NAALADL2: variants seen among roughly 807,000 people sequenced by gnomAD.
NAALADL2 encodes inactive N-acetylated-alpha-linked acidic dipeptidase-like protein 2.
NAALADL2 carries 76 observed loss-of-function variants against 87.2 expected under a neutral mutation model. The observed-to-expected ratio is 0.87, with a 90% CI of 0.72 to 1.05. NAALADL2 has a LOEUF of 1.05. Ranked by LOEUF, NAALADL2 falls within the 50% of genes least tolerant of loss-of-function variation. The pLI is 0.00. For missense variants in NAALADL2, 1,089 were observed against 945.8 expected (o/e 1.15, Z -1.99); for synonymous variants, 354 against 331.0 (o/e 1.07, Z -0.75).
chr3:175,394,942 C>G (rs755641222), intron 5 of NAALADL2, among the ~76,000 whole-genome samples: 2 of 149,814 alleles, frequency 1.3e-5, no homozygotes, highest in Non-Finnish European at 3.0e-5. Flanking sequence ...TTTTTTTTTT[C>G]TTTATTAAGT....
At chr3:174,882,577 T>A (rs939438863) in intron 1 of NAALADL2, among the ~76,000 whole-genome samples, 18 of 136,172 alleles carry the variant, frequency 1.3e-4, no homozygotes, top group African/African-American at 4.5e-4. Context: ...ACATATGTGC[T>A]TATACACATA....
At chr3:175,490,428 C>A (rs1440819350) in intron 9 of NAALADL2, among the ~76,000 whole-genome samples, 1 of 151,922 alleles carries the variant, frequency 6.6e-6, no homozygotes, top group African/African-American at 2.4e-5. Flanking sequence ...ACTCTGTCAC[C>A]CTGGCTGGAG....
chr3:175,245,723 C>T (rs991846426), intron 3 of NAALADL2, among the ~76,000 whole-genome samples: 1 of 152,094 alleles, frequency 6.6e-6, no homozygotes, highest in Non-Finnish European at 1.5e-5. Flanking sequence ...TGGTTCTTTG[C>T]AACAAAGACA....
intron 4 of NAALADL2, among the ~76,000 whole-genome samples, chr3:175,292,365 C>T (rs1227322804): frequency 1.3e-5 from 2 of 152,186 alleles, no homozygotes; most frequent in South Asian, 4.1e-4. Context: ...CAGTATTTAT[C>T]TTTGTGGCAG....
At chr3:175,767,456 GA>G (rs1285138351) in intron 13 of NAALADL2, 1 of 151,918 alleles carries the variant, frequency 6.6e-6, no homozygotes, top group Non-Finnish European at 1.5e-5. Context: ...GTTTCAATGA[GA>G]AAGTTAGAAG....
intron 11 of NAALADL2, among the ~76,000 whole-genome samples, chr3:175,639,024 T>A (rs943370458): frequency 6.6e-6 from 1 of 152,206 alleles, no homozygotes; most frequent in Non-Finnish European, 1.5e-5. Context: ...TGACTTTCAC[T>A]GATCAGTCAT....
rs138179108 is a variant in NAALADL2 at position 175,441,364 on chromosome 3, T to G, written c.1091-5865T>G. ...ATGTGGATAGGTTATATGAAAATACTAGGCCAGTTTATTTAAGGGACTCGA... is the reference window on the plus strand; with the variant it reads ...ATGTGGATAGGTTATATGAAAATACGAGGCCAGTTTATTTAAGGGACTCGA... On this transcript the variant is annotated intron_variant, in intron 5 of 13. Coordinates refer to ENST00000454872, the MANE Select transcript of NAALADL2 (RefSeq NM_207015.3). 8.8e-3 allele frequency among the ~76,000 whole-genome samples: 1,347 copies of G among 152,268 alleles called. 19 individuals are homozygous for G. The highest frequency in any genetic ancestry group is 0.031 in the African/African-American group (1,294 of 41,554).
intron 1 of NAALADL2, among the ~76,000 whole-genome samples, chr3:175,081,908 G>A (rs1294793157): frequency 2.0e-5 from 3 of 152,182 alleles, no homozygotes; most frequent in South Asian, 2.1e-4. Context: ...TAAAGGCAAT[G>A]ATGATTGGGA....
chr3:174,515,491 A>G (rs2108399644), intron 1 of NAALADL2, among the ~76,000 whole-genome samples: 1 of 152,172 alleles, frequency 6.6e-6, no homozygotes, highest in South Asian at 2.1e-4. Context: ...ATGTGTTTTC[A>G]TTATAAACTA....
At chr3:175,713,218 T>C (rs116072709) in intron 11 of NAALADL2, among the ~76,000 whole-genome samples, 2,139 of 152,222 alleles carry the variant, frequency 0.014, 45 homozygotes, top group African/African-American at 0.049. Context: ...TTATGGTGAA[T>C]TGACAAAATG....
At chr3:174,882,597 A>G (rs567600657) in intron 1 of NAALADL2, among the ~76,000 whole-genome samples, 8 of 144,932 alleles carry the variant, frequency 5.5e-5, no homozygotes, top group East Asian at 4.0e-4. Context: ...ATGTGTATAT[A>G]CACATACATA....
intron 2 of NAALADL2, among the ~76,000 whole-genome samples, chr3:174,628,250 G>C (rs1477648049): frequency 6.6e-6 from 1 of 151,942 alleles, no homozygotes; most frequent in Non-Finnish European, 1.5e-5. Context: ...GACCGAGGCG[G>C]GCGAATCATG....
chr3:174,848,002 T>C (rs1560283530), intron 3 of NAALADL2, among the ~76,000 whole-genome samples: 1 of 146,096 alleles, frequency 6.8e-6, no homozygotes, highest in East Asian at 2.0e-4. Context: ...AACTCTTTTC[T>C]CTCTCTTTTT....
At chr3:174,610,897 A>C (rs562572322) in intron 2 of NAALADL2, among the ~76,000 whole-genome samples, 2 of 152,190 alleles carry the variant, frequency 1.3e-5, no homozygotes, top group Non-Finnish European at 2.9e-5. Flanking sequence ...TCACAATAGC[A>C]AAGACTTGGC....
chr3:174,809,988 A>T (rs1019886161), intron 3 of NAALADL2, among the ~76,000 whole-genome samples: 1 of 152,080 alleles, frequency 6.6e-6, no homozygotes, highest in Non-Finnish European at 1.5e-5. Context: ...GCTGTGGAAG[A>T]TGCCTGCTCC....
At chr3:174,511,427 A>G (rs1249408821) in intron 1 of NAALADL2, among the ~76,000 whole-genome samples, 1 of 152,010 alleles carries the variant, frequency 6.6e-6, no homozygotes, top group East Asian at 1.9e-4. Flanking sequence ...CTTTGTATTA[A>G]TATTACTCAT....
intron 1 of NAALADL2, among the ~76,000 whole-genome samples, chr3:174,928,935 T>C (rs189585288): frequency 2.0e-3 from 304 of 152,326 alleles, no homozygotes; most frequent in Non-Finnish European, 3.1e-3. Context: ...CACTTGCCCA[T>C]ATAGAACTTA....
At chr3:175,371,590 C>A (rs180936835) in intron 5 of NAALADL2, among the ~76,000 whole-genome samples, 29 of 152,074 alleles carry the variant, frequency 1.9e-4, no homozygotes, top group Non-Finnish European at 3.8e-4. Context: ...TTTGGGAGGC[C>A]AAGGCGGGTG....
intron 9 of NAALADL2, among the ~76,000 whole-genome samples, chr3:175,534,291 GAGAT>G (rs550710098): frequency 6.6e-6 from 1 of 152,036 alleles, no homozygotes; most frequent in African/African-American, 2.4e-5. Context: ...GATGGACAGG[GAGAT>G]AGATAGATTT....
Sources: allele counts gnomAD v4.1 joint callset (sites outside exome capture counted in the v4.1 genomes callset), GRCh38; gene constraint gnomAD v4.1.1; transcripts MANE v1.5; gene names NCBI Gene and HGNC (gene_info 2026-07-23, HGNC 2026-07-21).